The following RABGEF1 variants were observed in gnomAD, a reference collection of about 807,000 sequenced individuals.
RABGEF1 encodes the protein rab5 GDP/GTP exchange factor.
In RABGEF1, 26 loss-of-function variants were observed where a neutral mutation model predicts 57.3. That is an observed-to-expected ratio of 0.45 (90% CI 0.33 to 0.63). RABGEF1 has a LOEUF of 0.63. Among genes scored for constraint, RABGEF1 ranks in the 20% least tolerant of loss-of-function variants. RABGEF1 has a pLI of 0.02. For synonymous variants in RABGEF1, 185 were observed against 210.7 expected (o/e 0.88, Z 1.06); for missense variants, 464 against 607.6 (o/e 0.76, Z 2.48).
chr7:66,664,345 C>T, the RABGEF1 span, among the ~76,000 whole-genome samples: 4 of 151,858 alleles, frequency 2.6e-5, no homozygotes, highest in Non-Finnish European at 5.9e-5. Context: ...TTTGGGAGGC[C>T]GAGGCGGGCA....
chr7:66,718,876 CT>C (rs1795693208), intron 2 of RABGEF1, among the ~76,000 whole-genome samples: 1 of 152,224 alleles, frequency 6.6e-6, no homozygotes, highest in Admixed American at 6.5e-5. Flanking sequence ...TTCACTGACA[CT>C]TTTCAGCTCC....
intron 2 of RABGEF1, among the ~76,000 whole-genome samples, chr7:66,720,613 A>T (rs1292654366): frequency 6.6e-6 from 1 of 152,160 alleles, no homozygotes; most frequent in African/African-American, 2.4e-5. Flanking sequence ...ATAAAGTATG[A>T]ATTGTTTCTC....
chr7:66,658,450 T>C, the RABGEF1 span, among the ~76,000 whole-genome samples: 1 of 151,362 alleles, frequency 6.6e-6, no homozygotes, highest in Non-Finnish European at 1.5e-5. Flanking sequence ...GGAGAATCAC[T>C]TGAACTGGGA....
At chr7:66,684,025 G>A (rs1056078989) in intron 1 of RABGEF1, among the ~76,000 whole-genome samples, 6 of 152,136 alleles carry the variant, frequency 3.9e-5, no homozygotes, top group Non-Finnish European at 8.8e-5. Flanking sequence ...TACAGGCATC[G>A]GCTCCCGAGC....
intron 1 of RABGEF1, among the ~76,000 whole-genome samples, chr7:66,692,133 A>G (rs1470883653): frequency 6.6e-6 from 1 of 152,242 alleles, no homozygotes; most frequent in Non-Finnish European, 1.5e-5. Flanking sequence ...CAGTTGCACT[A>G]GTTACATTTC....
intron 1 of RABGEF1, among the ~76,000 whole-genome samples, chr7:66,697,994 G>C (rs1475367586): frequency 6.6e-6 from 1 of 152,164 alleles, no homozygotes; most frequent in East Asian, 1.9e-4. Flanking sequence ...TGGGCCAGGA[G>C]TTTGAAGCCA....
intron 1 of RABGEF1, among the ~76,000 whole-genome samples, chr7:66,711,146 T>A (rs1390850533): frequency 1.3e-5 from 2 of 152,112 alleles, no homozygotes; most frequent in African/African-American, 4.8e-5. Flanking sequence ...GTTGACAGAG[T>A]AAGACCATCT....
At chr7:66,769,603 A>G (rs1806581184) in intron 1 of RABGEF1, among the ~76,000 whole-genome samples, 1 of 152,232 alleles carries the variant, frequency 6.6e-6, no homozygotes. Flanking sequence ...GATGCATTGC[A>G]GAAAGTGGAA....
chr7:66,766,072 T>G lies in RABGEF1; in HGVS notation c.-17-5811T>G, dbSNP rs537615264. ...ATAATGGCAAGATTAGCTCAGACTT[T>G]CAAAATAATTTGAAACCCAGGACTT... On this transcript the variant is annotated intron_variant, in intron 1 of 8. Coordinates refer to ENST00000284957, the MANE Select transcript of RABGEF1 (RefSeq NM_014504.3). Among the ~76,000 whole-genome samples the G allele has an allele frequency of 3.3e-5, 5 of 152,268 alleles. No individual in the cohort carries two copies. In the East Asian group the frequency reaches 7.7e-4, roughly 23 times the overall value.
intron 6 of RABGEF1, among the ~76,000 whole-genome samples, chr7:66,798,712 C>G (rs1434226575): frequency 6.6e-6 from 1 of 152,102 alleles, no homozygotes; most frequent in Non-Finnish European, 1.5e-5. Context: ...ACCTGTAATC[C>G]CAGCACTTTG....
the RABGEF1 span, among the ~76,000 whole-genome samples, chr7:66,662,385 GA>G: frequency 6.6e-6 from 1 of 152,194 alleles, no homozygotes; most frequent in Non-Finnish European, 1.5e-5. Context: ...AAGGATCTGG[GA>G]AGTTGAGGCT....
intron 5 of RABGEF1, chr7:66,796,945 T>C (rs1786091451): frequency 2.3e-6 from 1 of 433,042 alleles, no homozygotes; most frequent in South Asian, 1.7e-5. Flanking sequence ...ATACTTTTGT[T>C]CTGAGTGTGT....
At chr7:66,774,030 A>G (rs1807906595) in intron 2 of RABGEF1, 1 of 303,808 alleles carries the variant, frequency 3.3e-6, no homozygotes, top group Non-Finnish European at 6.5e-6. Context: ...TATTGCTTTT[A>G]TTTATTATTC....
At chr7:66,681,389 T>TA (rs1415676264), upstream of RABGEF1, among the ~76,000 whole-genome samples, 53 of 141,392 alleles carry the variant, frequency 3.7e-4, no homozygotes, top group Admixed American at 4.0e-3. Flanking sequence ...GGGTCTCAGT[T>TA]ACGCTTTTTT....
chr7:66,658,185 G>C, the RABGEF1 span, among the ~76,000 whole-genome samples: 2 of 152,024 alleles, frequency 1.3e-5, no homozygotes, highest in Admixed American at 6.6e-5. Flanking sequence ...AAATGAAATG[G>C]CAAATCTCTA....
intron 1 of RABGEF1, among the ~76,000 whole-genome samples, chr7:66,697,583 C>T (rs564551247): frequency 6.6e-6 from 1 of 152,256 alleles, no homozygotes; most frequent in African/African-American, 2.4e-5. Context: ...TGATTCATGC[C>T]CTTCCAGCAG....
chr7:66,695,464 AG>A (rs1355021470), intron 1 of RABGEF1, among the ~76,000 whole-genome samples: 1 of 152,210 alleles, frequency 6.6e-6, no homozygotes, highest in African/African-American at 2.4e-5. Context: ...GAGGTTCCAC[AG>A]TGGCTTGGCC....
chr7:66,667,331 A>G, the RABGEF1 span: 2 of 152,292 alleles, frequency 1.3e-5, no homozygotes, highest in African/African-American at 2.4e-5. Flanking sequence ...ACAGCCACTC[A>G]TATCTTCCCC....
At chr7:66,781,833 C>G (rs554961123) in intron 3 of RABGEF1, among the ~76,000 whole-genome samples, 19 of 152,242 alleles carry the variant, frequency 1.2e-4, no homozygotes, top group Admixed American at 3.3e-4. Flanking sequence ...CAGCTAGGCT[C>G]TGTTTGAGTG....
Sources: gnomAD v4.1 joint callset for allele counts (sites outside exome capture counted in the v4.1 genomes callset) on GRCh38, gnomAD v4.1.1 for gene constraint, MANE v1.5 for transcripts, NCBI Gene and HGNC (gene_info 2026-07-23, HGNC 2026-07-21) for gene names.